Variants in CPM observed in about 807,000 individuals in gnomAD.
CPM encodes the protein carboxypeptidase M, also known as renal carboxypeptidase.
CPM carries 35 observed loss-of-function variants against 46.4 expected under a neutral mutation model. The ratio of observed to expected loss-of-function variants is 0.75; its 90% CI spans 0.58 to 1.00. CPM has a LOEUF of 1.00. Ranked by LOEUF, CPM falls within the 50% of genes least tolerant of loss-of-function variation. CPM has a pLI of 0.00. For synonymous variants in CPM, 195 were observed against 195.3 expected, an observed-to-expected ratio of 1.00 and a Z score of 0.01; for missense variants, 422 against 530.4, an observed-to-expected ratio of 0.80 and a Z score of 2.01.
chr12:68,900,549 G>A (rs907377271), intron 2 of CPM, among the ~76,000 whole-genome samples: 5 of 152,094 alleles, frequency 3.3e-5, no homozygotes, highest in African/African-American at 7.2e-5. Flanking sequence ...AAAATAAACT[G>A]AAAACTTACG....
chr12:68,950,938 AGCACCGGGT>A (rs1187575162), intron 1 of CPM, among the ~76,000 whole-genome samples: 1 of 152,214 alleles, frequency 6.6e-6, no homozygotes, highest in Non-Finnish European at 1.5e-5. Context: ...TGCAGACCCA[AGCACCGGGT>A]GCAGAAGCCA....
chr12:68,939,274 T>G (rs1888724158), intron 1 of CPM, among the ~76,000 whole-genome samples: 1 of 147,620 alleles, frequency 6.8e-6, no homozygotes, highest in African/African-American at 2.5e-5. Flanking sequence ...GTATATTATG[T>G]ACATATATAC....
chr12:68,955,504 TG>T (rs66949427), intron 1 of CPM, among the ~76,000 whole-genome samples: 50,369 of 149,098 alleles, frequency 0.34, 8,505 homozygotes, highest in South Asian at 0.46. Flanking sequence ...TGTGTGGGGG[TG>T]GGGGGGGCAT....
intron 1 of CPM, among the ~76,000 whole-genome samples, chr12:68,958,549 T>C (rs1889062628): frequency 6.6e-6 from 1 of 152,132 alleles, no homozygotes; most frequent in Non-Finnish European, 1.5e-5. Context: ...CAGGAAGTTC[T>C]GTTAACTCCA....
rs1241912783 is a variant in CPM at position 68,871,668 on chromosome 12, AC to A, written c.431+115del. ...AGCTTTGGCACATCAGCGACATGAC[AC>A]CGGCTCTGAGGGCTCTCACCATGAC... On this transcript the variant is annotated intron_variant, in intron 4 of 8. Transcript: ENST00000551568. The A allele has an allele frequency of 5.8e-5, 64 of 1,104,794 alleles. 1 individual carries two copies. Among genetic ancestry groups the A allele is most frequent in the Non-Finnish European group, 8.4e-5 (63 of 753,450 alleles). 68.4% of individuals were successfully genotyped at this position (1,104,794 alleles called of 1,614,324 possible). A position where few individuals can be genotyped will look rare whatever the true frequency, so the allele number is the denominator to read the frequency against.
At chr12:68,843,484 ATCTC>A (rs1345336066) in intron 5 of CPM, 1 of 225,696 alleles carries the variant, frequency 4.4e-6, no homozygotes, top group East Asian at 6.4e-5. Context: ...TAATATAAGT[ATCTC>A]TCAAACTGTG....
chr12:68,850,396 A>T (rs1372664796), downstream of CPM: 4 of 152,182 alleles, frequency 2.6e-5, no homozygotes, highest in African/African-American at 9.7e-5. Flanking sequence ...AAACAGAGAA[A>T]CTATTTCCTG....
intron 2 of CPM, among the ~76,000 whole-genome samples, chr12:68,919,735 G>A (rs1022011532): frequency 1.3e-5 from 2 of 152,210 alleles, no homozygotes; most frequent in African/African-American, 4.8e-5. Context: ...GGAACTGACA[G>A]TAACACATGA....
upstream of CPM, among the ~76,000 whole-genome samples, chr12:68,933,742 G>C (rs114083150): frequency 5.5e-4 from 84 of 152,350 alleles, no homozygotes; most frequent in African/African-American, 1.9e-3. Flanking sequence ...CTTCGAGAAA[G>C]AACGCGCGCG....
In CPM at chr12:68,856,358, G is replaced by A; in HGVS notation, c.*79C>T. 6.8e-7 allele frequency: 1 copy of A among 1,481,356 alleles called. No individual in the cohort carries two copies. Among genetic ancestry groups the A allele is most frequent in the Non-Finnish European group, 9.2e-7 (1 of 1,092,288 alleles). 91.8% of individuals were successfully genotyped at this position (1,481,356 alleles called of 1,614,324 possible). A position where few individuals can be genotyped will look rare whatever the true frequency, so the allele number is the denominator to read the frequency against. ...TTTCTCCAGTCAAGGTCCCACTAGA[G>A]TGAGTTAGGGTTGCAGTAACCTGGA... On this transcript the variant is annotated 3_prime_UTR_variant, in exon 9 of 9. Coordinates refer to ENST00000551568, the MANE Select transcript of CPM (RefSeq NM_198320.5).
At chr12:68,903,294 T>C (rs372113042) in intron 2 of CPM, among the ~76,000 whole-genome samples, 22 of 152,308 alleles carry the variant, frequency 1.4e-4, no homozygotes, top group East Asian at 7.7e-4. Flanking sequence ...TTTGGAACTA[T>C]TGAAGTCTCA....
At chr12:68,843,446 C>T (rs1883980990) in intron 5 of CPM, 1 of 228,638 alleles carries the variant, frequency 4.4e-6, no homozygotes, top group South Asian at 1.8e-4. Flanking sequence ...ACCATATTTA[C>T]AATTATGTAT....
intron 2 of CPM, among the ~76,000 whole-genome samples, chr12:68,915,940 T>C (rs3782339): frequency 0.01 from 1,576 of 152,178 alleles, 56 homozygotes; most frequent in East Asian, 0.035. Flanking sequence ...AGAAGGAAAA[T>C]GTGTAAAGGG....
At chr12:68,888,838 T>C (rs2136257718) in intron 2 of CPM, among the ~76,000 whole-genome samples, 1 of 152,334 alleles carries the variant, frequency 6.6e-6, no homozygotes, top group Admixed American at 6.5e-5. Context: ...GGTGCATAAC[T>C]AGGTTTGGTT....
At chr12:68,886,409 G>C (rs950377281) in intron 2 of CPM, among the ~76,000 whole-genome samples, 1 of 151,984 alleles carries the variant, frequency 6.6e-6, no homozygotes, top group African/African-American at 2.4e-5. Context: ...GAGGCGGGCA[G>C]ATCACGAGGT....
At position 68,856,796 on chromosome 12, in the gene CPM, T is replaced by C. The variant is rs988139685; in HGVS notation, c.1090-117A>G. 4 of 1,330,026 alleles carry C rather than the reference T, an allele frequency of 3.0e-6. No homozygotes were observed. The African/African-American group carries it at 5.9e-5, about 20-fold the overall frequency. The allele number at this position is 1,330,026 out of a possible 1,614,324, so 82.4% of individuals were successfully genotyped here. On this transcript the variant is annotated intron_variant, in intron 8 of 8. Transcript: ENST00000551568. ...CCTTTGTGCAATGCATGTAACAATCTACCAGACCTCTGGGCCAGCAACAGA... is the reference window on the plus strand; with the variant it reads ...CCTTTGTGCAATGCATGTAACAATCCACCAGACCTCTGGGCCAGCAACAGA...
chr12:68,848,519 C>T (rs1884483274), downstream of CPM: 1 of 151,684 alleles, frequency 6.6e-6, no homozygotes, highest in Non-Finnish European at 1.5e-5. Flanking sequence ...CAATAAATGG[C>T]AAAAAAGAAG....
At chr12:68,843,117 A>G (rs2136188201) in intron 5 of CPM, 2 of 222,998 alleles carry the variant, frequency 9.0e-6, no homozygotes, top group East Asian at 1.3e-4. Context: ...AAAGCCACAC[A>G]ATAATTTTGG....
At chr12:68,872,252 C>CTTTTTT (rs10659287) in intron 3 of CPM, among the ~76,000 whole-genome samples, 1 of 117,250 alleles carries the variant, frequency 8.5e-6, no homozygotes, top group Non-Finnish European at 1.6e-5. Context: ...CTGCTGCTTC[C>CTTTTTT]TTTTTTTTTT....
Sources: gnomAD v4.1 joint callset for allele counts (sites outside exome capture counted in the v4.1 genomes callset) on GRCh38, gnomAD v4.1.1 for gene constraint, MANE v1.5 for transcripts, NCBI Gene and HGNC (gene_info 2026-07-23, HGNC 2026-07-21) for gene names.